ACAP2: variants seen among roughly 807,000 people sequenced by gnomAD.
ACAP2 encodes the protein ArfGAP with coiled-coil, ankyrin repeat and PH domains 2, also known as arf-GAP with coiled-coil, ANK repeat and PH domain-containing protein 2.
Under a neutral mutation model 115.8 loss-of-function variants are expected in ACAP2, and 39 were observed. The observed-to-expected ratio is 0.34, with a 90% confidence interval of 0.26 to 0.44. The LOEUF (loss-of-function observed/expected upper bound fraction) is 0.44. Among genes scored for constraint, ACAP2 ranks in the 20% least tolerant of loss-of-function variants. The pLI is 1.00. For synonymous variants in ACAP2, 289 were observed against 315.8 expected (o/e 0.92, Z 0.90); for missense variants, 662 against 927.6 (o/e 0.71, Z 3.72).
At chr3:195,392,738 G>T (rs1312339294) in intron 1 of ACAP2, among the ~76,000 whole-genome samples, 3 of 152,086 alleles carry the variant, frequency 2.0e-5, no homozygotes, top group Non-Finnish European at 4.4e-5. Flanking sequence ...TGACAAAAGA[G>T]AATACAATTA....
intron 22 of ACAP2, 69 bp downstream of exon 22, chr3:195,285,727 G>A: frequency 7.7e-7 from 1 of 1,291,898 alleles, no homozygotes; most frequent in Non-Finnish European, 1.1e-6. Context: ...TCTTCCAGTT[G>A]TAAACTGATA....
intron 1 of ACAP2, among the ~76,000 whole-genome samples, chr3:195,409,161 G>C (rs7432868): frequency 1.3e-5 from 2 of 151,232 alleles, no homozygotes; most frequent in African/African-American, 4.9e-5. Flanking sequence ...TCTGTTTACA[G>C]ACAATATGAC....
At chr3:195,398,637 CTAAA>C (rs55788907) in intron 1 of ACAP2, among the ~76,000 whole-genome samples, 5,856 of 142,782 alleles carry the variant, frequency 0.041, 260 homozygotes, top group African/African-American at 0.11. Flanking sequence ...AACTCCAACT[CTAAA>C]TAAATAAATA....
chr3:195,287,462 G>A (rs1256205103), intron 21 of ACAP2, among the ~76,000 whole-genome samples: 2 of 150,460 alleles, frequency 1.3e-5, no homozygotes, highest in Admixed American at 6.6e-5. Flanking sequence ...ACGACTACAC[G>A]CATGTGCCAC....
chr3:195,377,791 A>G (rs888501083), intron 4 of ACAP2, among the ~76,000 whole-genome samples: 1 of 152,174 alleles, frequency 6.6e-6, no homozygotes, highest in Non-Finnish European at 1.5e-5. Flanking sequence ...TTAAAAAGAA[A>G]ATTTCTGAGA....
intron 7 of ACAP2, among the ~76,000 whole-genome samples, 198 bp from the exon 8 acceptor site, chr3:195,333,321 C>T (rs1299159043): frequency 2.0e-5 from 3 of 152,174 alleles, no homozygotes; most frequent in East Asian, 1.9e-4. Context: ...CCCACTTCAG[C>T]CTCCTAAATA....
intron 20 of ACAP2, among the ~76,000 whole-genome samples, chr3:195,290,197 T>C (rs973136303): frequency 1.3e-5 from 2 of 151,328 alleles, no homozygotes; most frequent in East Asian, 3.9e-4. Context: ...CATAGCAAAA[T>C]GTCTCTAAAA....
chr3:195,379,636 C>T (rs1349346685), intron 4 of ACAP2, among the ~76,000 whole-genome samples: 3 of 151,986 alleles, frequency 2.0e-5, no homozygotes, highest in African/African-American at 7.3e-5. Flanking sequence ...CTACCAAAAA[C>T]AAACAAACAA....
chr3:195,298,227 A>C (rs1035988601), intron 15 of ACAP2, among the ~76,000 whole-genome samples: 1 of 150,240 alleles, frequency 6.7e-6, no homozygotes, highest in Non-Finnish European at 1.5e-5. Flanking sequence ...CTCATAGGCA[A>C]GAGAATGGTT....
chr3:195,352,116 G>A (rs1014102507), intron 4 of ACAP2, among the ~76,000 whole-genome samples: 1 of 152,182 alleles, frequency 6.6e-6, no homozygotes, highest in Middle Eastern at 3.4e-3. Context: ...TAAAATTATA[G>A]TACTGTATCT....
intron 6 of ACAP2, among the ~76,000 whole-genome samples, chr3:195,337,441 G>C (rs1730575338): frequency 1.6e-5 from 2 of 126,846 alleles, no homozygotes; most frequent in African/African-American, 6.0e-5. Flanking sequence ...ACGGCAACCA[G>C]TCATCTTTTT....
intron 1 of ACAP2, among the ~76,000 whole-genome samples, chr3:195,396,103 T>C (rs1711751049): frequency 6.6e-6 from 1 of 151,892 alleles, no homozygotes; most frequent in African/African-American, 2.4e-5. Context: ...ATATGAACAT[T>C]AGCCAGGCGT....
intron 4 of ACAP2, among the ~76,000 whole-genome samples, chr3:195,354,864 T>C (rs1000734520): frequency 1.3e-5 from 2 of 152,234 alleles, no homozygotes; most frequent in African/African-American, 4.8e-5. Flanking sequence ...TCTAGACTAT[T>C]TACTGGCTTT....
chr3:195,342,334 A>G (rs1475808810), intron 6 of ACAP2, 137 bp downstream of exon 6: 1 of 835,518 alleles, frequency 1.2e-6, no homozygotes, highest in African/African-American at 1.8e-5. Context: ...ACACAGATGG[A>G]AATTTTCCAC....
chr3:195,401,669 C>G (rs534846247), intron 1 of ACAP2, among the ~76,000 whole-genome samples: 3 of 152,134 alleles, frequency 2.0e-5, no homozygotes, highest in African/African-American at 7.2e-5. Context: ...GTATCCAAAA[C>G]AAAGAGAGAA....
chr3:195,424,506 C>G (rs1007679272), intron 1 of ACAP2, among the ~76,000 whole-genome samples: 2 of 150,852 alleles, frequency 1.3e-5, no homozygotes, highest in African/African-American at 4.9e-5. Context: ...ACCATGTTGG[C>G]CAGTCTGGTC....
intron 1 of ACAP2, among the ~76,000 whole-genome samples, chr3:195,420,437 C>CTCCCGGGTTCACGCCA (rs1274886236): frequency 6.6e-6 from 1 of 152,116 alleles, no homozygotes; most frequent in African/African-American, 2.4e-5. Context: ...CAAGCTCCGC[C>CTCCCGGGTTCACGCCA]TCCCGGGTTC....
intron 2 of ACAP2, among the ~76,000 whole-genome samples, chr3:195,385,740 C>G (rs1474073185): frequency 6.6e-6 from 1 of 152,092 alleles, no homozygotes. Flanking sequence ...ATCAAGAATT[C>G]CAGGAATGTG....
At chr3:195,429,334 G>A (rs1031322066) in intron 1 of ACAP2, among the ~76,000 whole-genome samples, 24 of 141,804 alleles carry the variant, frequency 1.7e-4, no homozygotes, top group African/African-American at 4.3e-4. Flanking sequence ...AGCTGAGATC[G>A]CACCACTGCA....
Sources: gnomAD v4.1 joint callset for allele counts (sites outside exome capture counted in the v4.1 genomes callset) on GRCh38, gnomAD v4.1.1 for gene constraint, MANE v1.5 for transcripts, NCBI Gene and HGNC (gene_info 2026-07-23, HGNC 2026-07-21) for gene names.